PTPRE: variants seen among roughly 807,000 people sequenced by gnomAD.
PTPRE encodes the protein protein tyrosine phosphatase receptor type E.
A neutral mutation model predicts 102.0 loss-of-function variants in PTPRE; 51 were observed. The ratio of observed to expected loss-of-function variants is 0.50; its 90% CI spans 0.40 to 0.63. The LOEUF is 0.63. Among genes scored for constraint, PTPRE ranks in the 30% least tolerant of loss-of-function variants. The probability of loss-of-function intolerance (pLI) is 0.00; values close to 1 mark genes in which losing one functional copy is unlikely to be tolerated. For missense variants in PTPRE, 752 were observed against 915.1 expected, an observed-to-expected ratio of 0.82 and a Z score of 2.30; for synonymous variants, 345 against 348.2, an observed-to-expected ratio of 0.99 and a Z score of 0.10.
chr10:128,029,113 C>T (rs1846506625), intron 2 of PTPRE, among the ~76,000 whole-genome samples: 1 of 152,196 alleles, frequency 6.6e-6, no homozygotes, highest in Admixed American at 6.5e-5. Flanking sequence ...TCCCAACTCC[C>T]AGCCCACTGG....
chr10:128,000,851 T>A (rs1853807303), intron 2 of PTPRE, among the ~76,000 whole-genome samples: 1 of 152,202 alleles, frequency 6.6e-6, no homozygotes, highest in Non-Finnish European at 1.5e-5. Context: ...CTTGGGCAAC[T>A]GCCCAGAAGG....
intron 1 of PTPRE, among the ~76,000 whole-genome samples, chr10:127,921,748 G>A (rs1052762145): frequency 1.3e-5 from 2 of 152,204 alleles, no homozygotes; most frequent in Non-Finnish European, 1.5e-5. Context: ...CAGGGCAGCT[G>A]CATTTTTTAC....
At chr10:128,007,317 C>T (rs963958868) in intron 2 of PTPRE, among the ~76,000 whole-genome samples, 5 of 152,092 alleles carry the variant, frequency 3.3e-5, no homozygotes, top group African/African-American at 4.8e-5. Flanking sequence ...ATTTTAATGA[C>T]GCAAGGGTTT....
intron 2 of PTPRE, among the ~76,000 whole-genome samples, chr10:128,035,275 A>G (rs1320297558): frequency 1.5e-5 from 2 of 136,054 alleles, no homozygotes; most frequent in Admixed American, 7.5e-5. Context: ...ATATATATGT[A>G]TATATATACA....
intron 2 of PTPRE, among the ~76,000 whole-genome samples, chr10:128,025,158 CAAAAAAA>C (rs71472683): frequency 4.6e-5 from 3 of 65,788 alleles, no homozygotes; most frequent in Admixed American, 4.2e-4. Flanking sequence ...GATCCTGTCT[CAAAAAAA>C]AAAAAAAAAA....
intron 1 of PTPRE, among the ~76,000 whole-genome samples, chr10:127,917,617 A>G (rs1846300925): frequency 6.6e-6 from 1 of 152,180 alleles, no homozygotes. Context: ...GGCTGCCATG[A>G]TCATGCCACT....
At chr10:127,974,880 A>ATCATACCT (rs58460019) in intron 1 of PTPRE, among the ~76,000 whole-genome samples, 29,067 of 151,926 alleles carry the variant, frequency 0.19, 3,388 homozygotes, top group Middle Eastern at 0.31. Context: ...TAAAATGTGG[A>ATCATACCT]TCATACCTCC....
intron 2 of PTPRE, among the ~76,000 whole-genome samples, chr10:128,029,120 C>A (rs1846507517): frequency 6.6e-6 from 1 of 152,200 alleles, no homozygotes; most frequent in Non-Finnish European, 1.5e-5. Flanking sequence ...TCCCAGCCCA[C>A]TGGGCTGCTG....
At chr10:127,998,952 C>T (rs1037245825) in intron 2 of PTPRE, 1 of 152,138 alleles carries the variant, frequency 6.6e-6, no homozygotes, top group South Asian at 2.1e-4. Flanking sequence ...CTTGAGGGTC[C>T]ATTTCCCTTT....
At chr10:127,997,299 C>T (rs979403260) in intron 2 of PTPRE, among the ~76,000 whole-genome samples, 1 of 152,152 alleles carries the variant, frequency 6.6e-6, no homozygotes, top group East Asian at 1.9e-4. Context: ...CTGAGTTTGC[C>T]CACAAGGAAA....
chr10:128,026,316 C>T (rs1846287143), intron 2 of PTPRE, among the ~76,000 whole-genome samples: 1 of 152,258 alleles, frequency 6.6e-6, no homozygotes, highest in South Asian at 2.1e-4. Flanking sequence ...AGGGGAGGGT[C>T]TGGCGAGAGG....
intron 2 of PTPRE, among the ~76,000 whole-genome samples, chr10:128,023,057 C>A (rs1193025231): frequency 6.6e-6 from 1 of 152,206 alleles, no homozygotes; most frequent in East Asian, 1.9e-4. Context: ...TTCAGTTACC[C>A]ACGGTCAACT....
At chr10:128,077,056 TC>T (rs1851267562) in intron 18 of PTPRE, among the ~76,000 whole-genome samples, 1 of 152,122 alleles carries the variant, frequency 6.6e-6, no homozygotes, top group African/African-American at 2.4e-5. Flanking sequence ...CCCCCAACTG[TC>T]CCCATTTCCA....
chr10:128,062,672 C>T (rs1049655741), intron 9 of PTPRE, among the ~76,000 whole-genome samples: 44 of 152,176 alleles, frequency 2.9e-4, no homozygotes, highest in Admixed American at 2.8e-3. Context: ...TAGCTCATAT[C>T]GTATTGGACA....
chr10:127,930,011 G>A (rs932918017), intron 1 of PTPRE, among the ~76,000 whole-genome samples: 62 of 138,596 alleles, frequency 4.5e-4, no homozygotes, highest in African/African-American at 1.3e-3. Context: ...GCAGTGAGCC[G>A]AGATCACACC....
chr10:127,980,086 A>T (rs1248540471), intron 1 of PTPRE, among the ~76,000 whole-genome samples: 1 of 152,148 alleles, frequency 6.6e-6, no homozygotes, highest in Non-Finnish European at 1.5e-5. Flanking sequence ...TTCCTACAAA[A>T]AAGCAGTTCC....
At chr10:128,000,294 A>G (rs1853738890) in intron 2 of PTPRE, among the ~76,000 whole-genome samples, 1 of 152,158 alleles carries the variant, frequency 6.6e-6, no homozygotes, top group African/African-American at 2.4e-5. Flanking sequence ...AAAGAGCTAA[A>G]TTTTCTTTAA....
chr10:128,052,496 C>G (rs1267163463), intron 6 of PTPRE, among the ~76,000 whole-genome samples: 1 of 152,172 alleles, frequency 6.6e-6, no homozygotes, highest in African/African-American at 2.4e-5. Context: ...CCCTGCCCCC[C>G]ATAGGATTGT....
In PTPRE at chr10:127,907,526, C is replaced by T. The variant is rs963002971; in HGVS notation, c.-31+217C>T. On this transcript the variant is annotated intron_variant, in intron 1 of 20. Coordinates refer to ENST00000254667, the MANE Select transcript of PTPRE (RefSeq NM_006504.6). The surrounding 1 kb of genome is among the most constrained non-coding windows in gnomAD (Gnocchi z 4.8). ...CCCGACCCCGGCCTGTGGCGCGTCC[C>T]CTCACCCGGAGTCCCCAGCCCAACT... Among the ~76,000 whole-genome samples, 2 of 151,964 alleles carry T rather than the reference C, an allele frequency of 1.3e-5. No homozygotes were observed. The highest frequency in any genetic ancestry group is 2.9e-5 in the Non-Finnish European group (2 of 67,954).
Sources: allele counts gnomAD v4.1 joint callset (sites outside exome capture counted in the v4.1 genomes callset), GRCh38; gene constraint gnomAD v4.1.1; non-coding constraint Gnocchi (gnomAD v3.1); transcripts MANE v1.5; gene names NCBI Gene and HGNC (gene_info 2026-07-23, HGNC 2026-07-21).